The following XAGE3 variants were observed in gnomAD, a reference collection of about 807,000 sequenced individuals.
XAGE3 encodes CT12.3.
A neutral mutation model predicts 9.2 loss-of-function variants in XAGE3; 6 were observed. The ratio of observed to expected loss-of-function variants is 0.65; its 90% CI spans 0.36 to 1.29. The LOEUF is 1.29. Ranked by LOEUF, XAGE3 falls within the 50% of genes most tolerant of loss-of-function variation. The probability of loss-of-function intolerance (pLI) is 0.03; values close to 1 mark genes in which losing one functional copy is unlikely to be tolerated. For missense variants in XAGE3, 70 were observed against 82.8 expected (o/e 0.85, Z 0.60); for synonymous variants, 26 against 28.2 (o/e 0.92, Z 0.25).
chrX:52,863,562 T>G (rs1927812107), intron 4 of XAGE3, among the ~76,000 whole-genome samples: 1 of 112,187 alleles, frequency 8.9e-6, no homozygotes, highest in Admixed American at 9.5e-5. Flanking sequence ...CAGGTATTAC[T>G]GGAATAAATT....
chrX:52,865,022 T>A, intron 3 of XAGE3, 122 bp from the exon 4 acceptor site: 1 of 878,222 alleles, frequency 1.1e-6, no homozygotes, highest in Non-Finnish European at 1.6e-6. Context: ...GTAATAAATG[T>A]GATGCAAAGA....
chrX:52,866,439 T>A lies in XAGE3; in HGVS notation c.181A>T (p.Thr61Ser), dbSNP rs782805457. The change falls in exon 3 of 5, where the codon ACT (threonine) becomes TCT (serine). Residue 61 changes from threonine to serine, a missense_variant. Thr to Ser is a moderately conservative substitution (Grantham distance 58, BLOSUM62 1). Transcript: ENST00000346279. ...TTCTTTCCCTTCCCAGCACCTTGAG[T>A]CTCAGCTGCACCCTGATCTTCTTCT... ...EREEDQGAAE[T>S]QVPDLEADLQ... The A allele has an allele frequency of 3.6e-5, 43 of 1,207,566 alleles. No homozygotes were observed. Among genetic ancestry groups the A allele is most frequent in the Non-Finnish European group, 4.7e-5 (42 of 894,266 alleles).
chrX:52,862,628 G>T lies in XAGE3; in HGVS notation c.326C>A (p.Pro109Gln). 1 of 1,210,982 alleles carries T rather than the reference G, an allele frequency of 8.3e-7. No homozygotes were observed. Among genetic ancestry groups the T allele is most frequent in the Non-Finnish European group, 1.1e-6 (1 of 894,721 alleles). The change falls in exon 5 of 5, where the codon CCA (proline) becomes CAA (glutamine). Residue 109 changes from proline (P) to glutamine (Q), a missense_variant. Physicochemically the swap from Pro to Gln is moderately conservative, Grantham distance 76. Coordinates refer to ENST00000346279, the MANE Select transcript of XAGE3 (RefSeq NM_133179.3). ...TCAGCTTGTCTTCATTTAAACCTGTGGTTGCCTGTCACCTATAATAGAAAT... is the reference window on the plus strand; with the variant it reads ...TCAGCTTGTCTTCATTTAAACCTGTTGTTGCCTGTCACCTATAATAGAAAT... Reference protein sequence around the residue: ...FKMPEGGDRQPQV With the variant: ...FKMPEGGDRQQQV
At chrX:52,867,238 G>C in intron 1 of XAGE3, 97 bp from the exon 2 acceptor site, 2 of 763,903 alleles carry the variant, frequency 2.6e-6, no homozygotes, top group African/African-American at 4.2e-5. Context: ...TTTTTTAAAA[G>C]TTTGTAAATA....
intron 1 of XAGE3, among the ~76,000 whole-genome samples, chrX:52,867,645 C>T (rs1235976162): frequency 1.8e-5 from 2 of 110,644 alleles, no homozygotes; most frequent in Non-Finnish European, 3.8e-5. Flanking sequence ...CACCAACCCG[C>T]AGCGTTCCCA....
intron 3 of XAGE3, among the ~76,000 whole-genome samples, chrX:52,865,437 G>GA (rs1333660665): frequency 9.2e-6 from 1 of 109,228 alleles, no homozygotes; most frequent in African/African-American, 3.3e-5. Context: ...AAACTTGAGT[G>GA]AAAAAAAAAT....
intron 1 of XAGE3, among the ~76,000 whole-genome samples, chrX:52,867,690 G>A (rs1478256328): frequency 9.1e-6 from 1 of 110,231 alleles, no homozygotes. Flanking sequence ...GCTCCTTCCC[G>A]GGTCGACACG....
chrX:52,862,693 T>C (rs1319311428), intron 4 of XAGE3, 53 bp from the exon 5 acceptor site: 14 of 1,200,178 alleles, frequency 1.2e-5, no homozygotes, highest in Non-Finnish European at 1.6e-5. Flanking sequence ...TGTATTCAGA[T>C]GACATTAAAG....
chrX:52,867,115 A>G lies in XAGE3; in HGVS notation c.19T>C (p.Ser7Pro). 1 of 1,208,532 alleles carries G rather than the reference A, an allele frequency of 8.3e-7. No homozygotes were observed. The highest frequency in any genetic ancestry group is 3.0e-5 in the East Asian group (1 of 33,722). Reference sequence around the variant, plus strand: ...CTCCTCGGCCTAGGCCTATATGTTGATCTTCCTCGCCAAATCATATTTCAC... The same window carrying G: ...CTCCTCGGCCTAGGCCTATATGTTGGTCTTCCTCGCCAAATCATATTTCAC... Reference protein sequence around the residue: MIWRGRSTYRPRPRRSV... With the variant: MIWRGRPTYRPRPRRSV... Residue 7 changes from serine (S) to proline (P), a missense_variant, in exon 2 of 5, where the codon TCA becomes CCA. Physicochemically the swap from Ser to Pro is moderately conservative, Grantham distance 74 (BLOSUM62 -1). Transcript: ENST00000346279.
At chrX:52,865,252 G>C (rs1927858420) in intron 3 of XAGE3, among the ~76,000 whole-genome samples, 1 of 111,685 alleles carries the variant, frequency 9.0e-6, no homozygotes, top group South Asian at 3.7e-4. Context: ...GTGAGCCTAT[G>C]ACAAATCTTA....
intron 1 of XAGE3, 26 bp from the exon 2 acceptor site, chrX:52,867,167 T>C (rs202019896): frequency 2.1e-5 from 24 of 1,131,470 alleles, no homozygotes; most frequent in Non-Finnish European, 2.6e-5. Flanking sequence ...TGTGAATTGG[T>C]AAATGCACTT....
intron 3 of XAGE3, among the ~76,000 whole-genome samples, chrX:52,865,341 C>T (rs1927860661): frequency 1.8e-5 from 2 of 111,284 alleles, no homozygotes; most frequent in South Asian, 7.6e-4. Context: ...TCCAAAGGCC[C>T]TATATGTAAC....
At position 52,867,045 on chromosome X, in the gene XAGE3, G is replaced by A. The variant is rs185503780; in HGVS notation, c.81+8C>T. 31 of 1,206,268 alleles carry A rather than the reference G, an allele frequency of 2.6e-5. No individual in the cohort carries two copies. The East Asian group carries it at 8.3e-4, about 32-fold the overall frequency. On this transcript the variant is annotated splice_region_variant and intron_variant, in intron 2 of 4. Transcript: ENST00000346279. Reference sequence around the variant, plus strand: ...CTAATAGAAAACATCAAAGGTTAAGGCACTCACCAGCATAGGCCCAATCAG... The same window carrying A: ...CTAATAGAAAACATCAAAGGTTAAGACACTCACCAGCATAGGCCCAATCAG...
chrX:52,864,870 A>G lies in XAGE3; in HGVS notation c.218T>C (p.Leu73Pro). The part of the protein sequence containing the change: ...VPDLEADLQE[L>P]SQSKTGGECG... ...TTCACCCCCAGTCTTTGACTGAGAC[A>G]GCTCCTGGAGATCAGCTTCCAGGTC... The change falls in exon 4 of 5, where the codon CTG becomes CCG. Residue 73 changes from leucine (L) to proline (P), a missense_variant. Coordinates refer to ENST00000346279, the MANE Select transcript of XAGE3 (RefSeq NM_133179.3). The G allele has an allele frequency of 8.3e-7, 1 of 1,211,271 alleles. No individual in the cohort carries two copies. The highest frequency in any genetic ancestry group is 1.8e-5 in the South Asian group (1 of 56,876).
chrX:52,867,549 A>G (rs1200750053), intron 1 of XAGE3, among the ~76,000 whole-genome samples: 3 of 110,920 alleles, frequency 2.7e-5, no homozygotes, highest in South Asian at 7.7e-4. Flanking sequence ...AAACCTCCAC[A>G]GTGGAGTTGA....
intron 4 of XAGE3, among the ~76,000 whole-genome samples, chrX:52,863,481 G>A (rs1927810356): frequency 8.9e-6 from 1 of 112,103 alleles, no homozygotes; most frequent in African/African-American, 3.2e-5. Context: ...GTTTCTAAAA[G>A]TTAAGTGTTT....
At chrX:52,864,342 A>C (rs1419902287) in intron 4 of XAGE3, among the ~76,000 whole-genome samples, 1 of 112,532 alleles carries the variant, frequency 8.9e-6, no homozygotes, top group Non-Finnish European at 1.9e-5. Context: ...TCTGATATGC[A>C]TTTACTATTT....
intron 3 of XAGE3, among the ~76,000 whole-genome samples, chrX:52,865,597 G>C (rs782049643): frequency 8.9e-6 from 1 of 111,839 alleles, no homozygotes; most frequent in Admixed American, 9.5e-5. Context: ...ATCGTACTTC[G>C]AGTTTTCTAA....
At chrX:52,862,770 G>A in intron 4 of XAGE3, 130 bp from the exon 5 acceptor site, 2 of 817,138 alleles carry the variant, frequency 2.4e-6, no homozygotes, top group Non-Finnish European at 3.5e-6. Flanking sequence ...AGAGTAACCT[G>A]ATGGCTAACA....
Sources: gnomAD v4.1 joint callset for allele counts (sites outside exome capture counted in the v4.1 genomes callset) on GRCh38, gnomAD v4.1.1 for gene constraint, MANE v1.5 for transcripts, NCBI Gene and HGNC (gene_info 2026-07-23, HGNC 2026-07-21) for gene names.